CLIP4: variants seen among roughly 807,000 people sequenced by gnomAD.
The protein encoded by CLIP4 is CAP-Gly domain containing linker protein family member 4.
In CLIP4, 47 loss-of-function variants were observed where a neutral mutation model predicts 73.1. That is an observed-to-expected ratio of 0.64 (90% CI 0.51 to 0.82). CLIP4 has a LOEUF of 0.82. Among genes scored for constraint, CLIP4 ranks in the 40% least tolerant of loss-of-function variants. The pLI is 0.00. For missense variants in CLIP4, 874 were observed against 852.9 expected (o/e 1.02, Z -0.31); for synonymous variants, 306 against 295.4 (o/e 1.04, Z -0.37).
intron 6 of CLIP4, among the ~76,000 whole-genome samples, chr2:29,138,760 G>A (rs556158544): frequency 3.9e-5 from 6 of 152,142 alleles, no homozygotes; most frequent in African/African-American, 1.4e-4. Context: ...TTTTGTGGCT[G>A]TTGTAAATGG....
chr2:29,129,734 T>C (rs564609859), intron 2 of CLIP4, among the ~76,000 whole-genome samples: 1 of 152,240 alleles, frequency 6.6e-6, no homozygotes, highest in South Asian at 2.1e-4. Flanking sequence ...ATGCATTCCA[T>C]TGTCTCCAAA....
At chr2:29,163,724 T>C in intron 12 of CLIP4, 107 bp from the exon 13 acceptor site, 4 of 1,033,100 alleles carry the variant, frequency 3.9e-6, no homozygotes, top group Non-Finnish European at 2.7e-6. Flanking sequence ...TCCCTCATTT[T>C]GGTCATTTAT....
At chr2:29,131,032 CA>C in intron 2 of CLIP4, 1 of 893,690 alleles carries the variant, frequency 1.1e-6, no homozygotes, top group Non-Finnish European at 1.5e-6. Flanking sequence ...TCCTCATGTG[CA>C]AAATGAGAAT....
chr2:29,157,186 G>A lies in CLIP4; in HGVS notation c.1256-18G>A, dbSNP rs369532666. On this transcript the variant is annotated intron_variant, in intron 10 of 15. Coordinates refer to ENST00000320081, the MANE Select transcript of CLIP4 (RefSeq NM_024692.6). ...CATCTTATTTTCCACCGTTTGACACGTTCTTTATCTGTTACAGTTGCCCTG... is the reference window on the plus strand; with the variant it reads ...CATCTTATTTTCCACCGTTTGACACATTCTTTATCTGTTACAGTTGCCCTG... The A allele has an allele frequency of 9.9e-6, 16 of 1,611,932 alleles. No homozygotes were observed. The African/African-American group carries it at 1.3e-4, about 13-fold the overall frequency.
At chr2:29,106,402 G>A (rs937729102) in intron 1 of CLIP4, among the ~76,000 whole-genome samples, 3 of 152,120 alleles carry the variant, frequency 2.0e-5, no homozygotes, top group African/African-American at 7.2e-5. Flanking sequence ...GAGAAATCCC[G>A]AGTTCTGGCA....
At chr2:29,107,748 A>T (rs558773063) in intron 1 of CLIP4, among the ~76,000 whole-genome samples, 1 of 151,718 alleles carries the variant, frequency 6.6e-6, no homozygotes, top group Non-Finnish European at 1.5e-5. Flanking sequence ...ATTCACAGGC[A>T]CAGTCACAGC....
chr2:29,101,235 A>G, intron 1 of CLIP4, among the ~76,000 whole-genome samples: 1 of 148,062 alleles, frequency 6.8e-6, no homozygotes, highest in Non-Finnish European at 1.5e-5. Flanking sequence ...GGTTGCAGTG[A>G]GCCGAGATTG....
chr2:29,109,690 G>A (rs1668334040), intron 1 of CLIP4, among the ~76,000 whole-genome samples: 1 of 152,198 alleles, frequency 6.6e-6, no homozygotes, highest in Admixed American at 6.5e-5. Flanking sequence ...CTGGGGAGCA[G>A]TGCCCCATGT....
At chr2:29,099,573 C>T (rs1407806561) in intron 1 of CLIP4, among the ~76,000 whole-genome samples, 43 of 152,142 alleles carry the variant, frequency 2.8e-4, no homozygotes, top group Admixed American at 2.8e-3. Context: ...GTGTATTCTT[C>T]TGCCAATTCC....
At chr2:29,178,710 A>G (rs1350791016) in intron 15 of CLIP4, among the ~76,000 whole-genome samples, 2 of 152,230 alleles carry the variant, frequency 1.3e-5, no homozygotes, top group African/African-American at 4.8e-5. Context: ...CTTCTAAAAC[A>G]TGTATTGAAC....
chr2:29,129,440 T>A lies in CLIP4; in HGVS notation c.134-1818T>A, dbSNP rs375920050. 3.9e-5 allele frequency among the ~76,000 whole-genome samples: 6 copies of A among 152,004 alleles called. No individual in the cohort carries two copies. In the South Asian group the frequency reaches 1.2e-3, roughly 32 times the overall value. On this transcript the variant is annotated intron_variant, in intron 2 of 15. Coordinates refer to ENST00000320081, the MANE Select transcript of CLIP4 (RefSeq NM_024692.6). ...CTATTGAACATACATAGCTATAAGA[T>A]CTCTGTGTCTGTTTGTGTATACAGA... is the stretch of plus-strand genomic sequence containing the variant.
intron 9 of CLIP4, among the ~76,000 whole-genome samples, chr2:29,156,066 T>TA (rs1401154508): frequency 6.6e-6 from 1 of 152,234 alleles, no homozygotes; most frequent in African/African-American, 2.4e-5. Flanking sequence ...TTCCTGACCA[T>TA]ACGGCTAGTA....
intron 2 of CLIP4, among the ~76,000 whole-genome samples, chr2:29,125,272 G>A (rs1664522112): frequency 6.6e-6 from 1 of 152,110 alleles, no homozygotes; most frequent in South Asian, 2.1e-4. Context: ...TGAATTATGA[G>A]GATTCTTTTT....
At chr2:29,162,867 A>G (rs1667377081) in intron 12 of CLIP4, among the ~76,000 whole-genome samples, 1 of 152,180 alleles carries the variant, frequency 6.6e-6, no homozygotes, top group South Asian at 2.1e-4. Flanking sequence ...TAGAAGGCAT[A>G]TAATTAACTC....
intron 2 of CLIP4, among the ~76,000 whole-genome samples, chr2:29,127,730 G>A (rs1284597530): frequency 6.6e-6 from 1 of 152,120 alleles, no homozygotes; most frequent in Non-Finnish European, 1.5e-5. Context: ...ACTTGTCAGA[G>A]TCTTTTCTGT....
intron 3 of CLIP4, 107 bp downstream of exon 3, chr2:29,131,504 A>C (rs1476168268): frequency 8.5e-7 from 1 of 1,182,442 alleles, no homozygotes; most frequent in Non-Finnish European, 1.2e-6. Context: ...ACCCTTTAAA[A>C]GTTCTGATAT....
At chr2:29,125,187 G>A (rs1351290710) in intron 2 of CLIP4, among the ~76,000 whole-genome samples, 2 of 152,234 alleles carry the variant, frequency 1.3e-5, no homozygotes, top group South Asian at 2.1e-4. Flanking sequence ...CCCTGGCTAC[G>A]GACTGGTACT....
chr2:29,152,998 C>T (rs958144934), intron 9 of CLIP4, among the ~76,000 whole-genome samples, 170 bp downstream of exon 9: 1 of 152,168 alleles, frequency 6.6e-6, no homozygotes, highest in Non-Finnish European at 1.5e-5. Context: ...ACTTCAGTTC[C>T]TAACAAATGT....
intron 11 of CLIP4, among the ~76,000 whole-genome samples, chr2:29,157,964 T>G (rs904510962): frequency 1.3e-5 from 2 of 152,244 alleles, no homozygotes; most frequent in Admixed American, 6.5e-5. Flanking sequence ...TATTACCAGA[T>G]TCTTTTTTTA....
Sources: allele counts gnomAD v4.1 joint callset (sites outside exome capture counted in the v4.1 genomes callset), GRCh38; gene constraint gnomAD v4.1.1; transcripts MANE v1.5; gene names NCBI Gene and HGNC (gene_info 2026-07-23, HGNC 2026-07-21).